C8B: variants seen among roughly 807,000 people sequenced by gnomAD.
The protein encoded by C8B is complement component C8 beta chain.
A neutral mutation model predicts 64.6 loss-of-function variants in C8B; 67 were observed. The observed-to-expected ratio is 1.04, with a 90% CI of 0.85 to 1.27. The LOEUF (loss-of-function observed/expected upper bound fraction) is 1.27. Among genes scored for constraint, C8B ranks in the 50% most tolerant of loss-of-function variants. The pLI is 0.00. For missense variants in C8B, 790 were observed against 725.2 expected, an observed-to-expected ratio of 1.09 and a Z score of -1.03; for synonymous variants, 284 against 257.7, an observed-to-expected ratio of 1.10 and a Z score of -0.98.
chr1:56,930,773 G>T (rs902486179), intron 11 of C8B, among the ~76,000 whole-genome samples: 4 of 152,144 alleles, frequency 2.6e-5, no homozygotes, highest in Non-Finnish European at 5.9e-5. Flanking sequence ...GAGGATTAAA[G>T]AATTTAATAT....
intron 7 of C8B, 76 bp downstream of exon 7, chr1:56,945,745 A>G: frequency 1.3e-6 from 2 of 1,577,794 alleles, no homozygotes; most frequent in East Asian, 2.2e-5. Flanking sequence ...CCAGGAAGGT[A>G]GAAAGAAAAC....
In C8B at chr1:56,941,509, C is replaced by CATGG. The variant is rs1553180477; in HGVS notation, c.1235-498_1235-497insCCAT. Among the ~76,000 whole-genome samples, 3 of 86,722 alleles carry CATGG rather than the reference C, an allele frequency of 3.5e-5. No homozygotes were observed. The Admixed American group carries it at 3.6e-4, about 10-fold the overall frequency. 56.9% of individuals were successfully genotyped at this position (86,722 alleles called of 152,430 possible). A position where few individuals can be genotyped will look rare whatever the true frequency, so the allele number is the denominator to read the frequency against. On this transcript the variant is annotated intron_variant, in intron 8 of 11. Transcript: ENST00000371237. ...GTAGATAATAGTAGATAGATAGATA[C>CATGG]ATAGATAGATAGATAGATAGATAGA... is the stretch of plus-strand genomic sequence containing the variant.
At position 56,945,923 on chromosome 1, in the gene C8B, C is replaced by T. The variant is rs750289971; in HGVS notation, c.1003G>A (p.Asp335Asn). The change falls in exon 7 of 12, where the codon GAT becomes AAT. Residue 335 changes from aspartate to asparagine, a missense_variant. Asp to Asn is a conservative substitution (Grantham distance 23, BLOSUM62 1). Transcript: ENST00000371237. ...PLEYSYGEYR[D>N]LFRDFGTHYI... ...TGGGTCCCAAAATCACGGAAGAGAT[C>T]TCTGTATTCCCCGTAGCTGTACTCC... The T allele has an allele frequency of 1.7e-5, 28 of 1,613,986 alleles. No homozygotes were observed. The highest frequency in any genetic ancestry group is 2.2e-5 in the Non-Finnish European group (26 of 1,180,018).
intron 11 of C8B, among the ~76,000 whole-genome samples, chr1:56,929,977 A>G (rs1353108966): frequency 6.6e-6 from 1 of 152,174 alleles, no homozygotes; most frequent in Non-Finnish European, 1.5e-5. Flanking sequence ...GGACAATTCA[A>G]ATGATATTGG....
At chr1:56,946,677 C>A (rs1372103075) in intron 6 of C8B, among the ~76,000 whole-genome samples, 1 of 152,194 alleles carries the variant, frequency 6.6e-6, no homozygotes, top group Non-Finnish European at 1.5e-5. Flanking sequence ...TATTTACTAT[C>A]TGGACCTTTA....
In C8B at chr1:56,940,830, G is replaced by T. The variant is rs368926944; in HGVS notation, c.1398+19C>A. The T allele has an allele frequency of 6.2e-7, 1 of 1,613,930 alleles. No homozygotes were observed. The highest frequency in any genetic ancestry group is 1.3e-5 in the African/African-American group (1 of 75,022). On this transcript the variant is annotated intron_variant, in intron 9 of 11. Coordinates refer to ENST00000371237, the MANE Select transcript of C8B (RefSeq NM_000066.4). ...ATTTTCTGGGTGGAGGAAAGGATGG[G>T]TAGAGCAGCGTTGTGTACCTTAACT... is the stretch of plus-strand genomic sequence containing the variant.
At chr1:56,949,958 A>G (rs1040847496) in intron 5 of C8B, among the ~76,000 whole-genome samples, 1 of 152,072 alleles carries the variant, frequency 6.6e-6, no homozygotes, top group African/African-American at 2.4e-5. Context: ...CTTGGGTGAA[A>G]ACTTAGAGGT....
chr1:56,948,844 TAA>T (rs1644980090), intron 6 of C8B, among the ~76,000 whole-genome samples: 1 of 152,144 alleles, frequency 6.6e-6, no homozygotes, highest in Non-Finnish European at 1.5e-5. Context: ...ATGTCTGGGA[TAA>T]AAGTCAAATT....
chr1:56,956,715 AG>A, intron 3 of C8B, 53 bp downstream of exon 3: 3 of 1,602,920 alleles, frequency 1.9e-6, no homozygotes, highest in South Asian at 2.2e-5. Flanking sequence ...TTGGTCATCA[AG>A]AACCATTACC....
chr1:56,962,426 A>G (rs1645192362), intron 1 of C8B, among the ~76,000 whole-genome samples: 1 of 152,242 alleles, frequency 6.6e-6, no homozygotes, highest in African/African-American at 2.4e-5. Context: ...ACGAGGAGCC[A>G]CATAAATTCT....
At chr1:56,965,164 G>C (rs1175111541) in intron 1 of C8B, among the ~76,000 whole-genome samples, 1 of 152,146 alleles carries the variant, frequency 6.6e-6, no homozygotes, top group Non-Finnish European at 1.5e-5. Flanking sequence ...ATGGAGGCCG[G>C]GGACACATGC....
chr1:56,954,123 A>G (rs1490689109), intron 4 of C8B, among the ~76,000 whole-genome samples: 1 of 152,130 alleles, frequency 6.6e-6, no homozygotes, highest in Non-Finnish European at 1.5e-5. Flanking sequence ...ATGGCAGGAA[A>G]GTAAGGTGCA....
At chr1:56,957,265 A>AT (rs1645117284) in intron 2 of C8B, among the ~76,000 whole-genome samples, 1 of 152,160 alleles carries the variant, frequency 6.6e-6, no homozygotes, top group South Asian at 2.1e-4. Flanking sequence ...AGATGGACTC[A>AT]TGTAGCCAGT....
In C8B at chr1:56,952,162, G is replaced by C. The variant is rs769039585; in HGVS notation, c.552C>G (p.Asn184Lys). Residue 184 changes from asparagine (N) to lysine (K), a missense_variant, in exon 5 of 12, where the codon AAC becomes AAG. By Grantham distance (94) the Asn-to-Lys change is moderately conservative. Coordinates refer to ENST00000371237, the MANE Select transcript of C8B (RefSeq NM_000066.4). ...GATCAAGAACTGGGCCCTCAAAACT[G>C]TTTGTGAACAAATTTATCCTGTGAG... is the stretch of plus-strand genomic sequence containing the variant. Reference protein sequence around the residue: ...SLASGINLFTNSFEGPVLDHR... With the variant: ...SLASGINLFTKSFEGPVLDHR... The C allele has an allele frequency of 6.2e-7, 1 of 1,614,184 alleles. No homozygotes were observed. Among genetic ancestry groups the C allele is most frequent in the Admixed American group, 1.7e-5 (1 of 60,028 alleles).
At chr1:56,941,077 A>G (rs2101386575) in intron 8 of C8B, 65 bp from the exon 9 acceptor site, 3 of 1,567,226 alleles carry the variant, frequency 1.9e-6, no homozygotes, top group Admixed American at 3.5e-5. Flanking sequence ...ATTTGCTGCA[A>G]CCCAACCAAC....
chr1:56,949,581 T>C lies in C8B; in HGVS notation c.838A>G (p.Arg280Gly), dbSNP rs553393814. ...GTATGAGAGAATCGTTTGGTTCTCC[T>C]AATATAGTGTTTGCCTCGATCACTT... ...SQSDRGKHYI[R>G]RTKRFSHTKS... Residue 280 changes from arginine (R) to glycine (G), a missense_variant, in exon 6 of 12, where the codon AGG becomes GGG. Physicochemically the swap from Arg to Gly is moderately radical, Grantham distance 125. Coordinates refer to ENST00000371237, the MANE Select transcript of C8B (RefSeq NM_000066.4). 2 of 1,613,930 alleles carry C rather than the reference T, an allele frequency of 1.2e-6. No homozygotes were observed. Among genetic ancestry groups the C allele is most frequent in the African/African-American group, 2.7e-5 (2 of 74,936 alleles).
At chr1:56,931,961 T>C (rs1449254744) in intron 10 of C8B, 83 bp from the exon 11 acceptor site, 1 of 890,092 alleles carries the variant, frequency 1.1e-6, no homozygotes, top group East Asian at 2.5e-5. Context: ...ATCACTGCAG[T>C]TCCATCAGGT....
rs1227817494 is a variant in C8B at position 56,950,806 on chromosome 1, T to C, written c.667-1054A>G. On this transcript the variant is annotated intron_variant, in intron 5 of 11. Coordinates refer to ENST00000371237, the MANE Select transcript of C8B (RefSeq NM_000066.4). Reference sequence around the variant, plus strand: ...TGAGGATTGGGCTTATACTGGTAAGTCATAGCACGGCACCTGGCACAGCGC... The same window carrying C: ...TGAGGATTGGGCTTATACTGGTAAGCCATAGCACGGCACCTGGCACAGCGC... Among the ~76,000 whole-genome samples the C allele has an allele frequency of 2.0e-5, 3 of 152,196 alleles. No individual in the cohort carries two copies. In the East Asian group the frequency reaches 5.8e-4, roughly 29 times the overall value.
At position 56,955,507 on chromosome 1, in the gene C8B, G is replaced by T. The variant is rs550671847; in HGVS notation, c.392-680C>A. On this transcript the variant is annotated intron_variant, in intron 3 of 11. Transcript: ENST00000371237. ...TATTAGTATATCGTTGGGAGATAAA[G>T]CCCATAAGACAGGTAGTCCTATTTC... Among the ~76,000 whole-genome samples the T allele has an allele frequency of 2.0e-5, 3 of 152,224 alleles. No homozygotes were observed. In the South Asian group the frequency reaches 6.2e-4, roughly 32 times the overall value.
Sources: allele counts gnomAD v4.1 joint callset (sites outside exome capture counted in the v4.1 genomes callset), GRCh38; gene constraint gnomAD v4.1.1; transcripts MANE v1.5; gene names NCBI Gene and HGNC (gene_info 2026-07-23, HGNC 2026-07-21).